Variants in ACAT1 observed in about 807,000 individuals in gnomAD.
ACAT1 encodes acetyl-CoA acetyltransferase, mitochondrial.
A neutral mutation model predicts 47.3 loss-of-function variants in ACAT1; 28 were observed. The observed-to-expected ratio is 0.59, with a 90% CI of 0.44 to 0.81. The LOEUF is 0.81. Ranked by LOEUF, ACAT1 falls within the 30% of genes least tolerant of loss-of-function variation. ACAT1 has a pLI of 0.00. For synonymous variants in ACAT1, 181 were observed against 173.6 expected (o/e 1.04, Z -0.34); for missense variants, 469 against 524.3 (o/e 0.89, Z 1.03).
intron 1 of ACAT1, among the ~76,000 whole-genome samples, chr11:108,124,977 G>A (rs756012763): frequency 2.0e-5 from 3 of 152,134 alleles, no homozygotes; most frequent in Non-Finnish European, 4.4e-5. Context: ...TCTAGTTCAT[G>A]ATCAATTTTG....
chr11:108,120,777 G>A (rs935972895), upstream of ACAT1, among the ~76,000 whole-genome samples: 2 of 152,018 alleles, frequency 1.3e-5, no homozygotes, highest in African/African-American at 2.4e-5. Flanking sequence ...ATATTTTCAC[G>A]GCTGGGTGTG....
At chr11:108,145,952 CAGG>C (rs908855941) in intron 10 of ACAT1, among the ~76,000 whole-genome samples, 7 of 151,778 alleles carry the variant, frequency 4.6e-5, no homozygotes, top group African/African-American at 1.5e-4. Context: ...GAGGCTGAGA[CAGG>C]AGAACTGCTT....
intron 6 of ACAT1, among the ~76,000 whole-genome samples, chr11:108,139,360 G>A (rs932765478): frequency 6.6e-6 from 1 of 152,116 alleles, no homozygotes; most frequent in African/African-American, 2.4e-5. Context: ...GGAGGCCGAG[G>A]CAGGTGGATC....
At chr11:108,135,452 C>T (rs2077451002) in intron 5 of ACAT1, among the ~76,000 whole-genome samples, 1 of 151,748 alleles carries the variant, frequency 6.6e-6, no homozygotes, top group Non-Finnish European at 1.5e-5. Context: ...TCTGTAAGCA[C>T]TTTGGAAGGT....
rs1264166114 is a variant in ACAT1, at chr11:108,147,502, TTTTCTATG to T, written c.*115_*122del. 2.1e-5 allele frequency: 28 copies of T among 1,351,914 alleles called. No homozygotes were observed. The African/African-American group carries it at 3.8e-4, about 18-fold the overall frequency. 83.7% of individuals were successfully genotyped at this position (1,351,914 alleles called of 1,614,324 possible). ...AGATAAGCTGTTTCATTTTTTATTA[TTTTCTATG>T]TTAACTTTTAAAAATCAAAATGATG... is the stretch of plus-strand genomic sequence containing the variant. On this transcript the variant is annotated 3_prime_UTR_variant, in exon 12 of 12. Transcript: ENST00000265838.
At chr11:108,139,354 G>GC (rs2077536588) in intron 6 of ACAT1, among the ~76,000 whole-genome samples, 2 of 152,108 alleles carry the variant, frequency 1.3e-5, no homozygotes, top group Admixed American at 1.3e-4. Context: ...ACTTTGGGAG[G>GC]CCGAGGCAGG....
chr11:108,141,469 T>C, intron 7 of ACAT1, 136 bp from the exon 8 acceptor site: 1 of 665,998 alleles, frequency 1.5e-6, no homozygotes, highest in East Asian at 2.8e-5. Flanking sequence ...AGATTCTAGA[T>C]GAGTGTTTAC....
upstream of ACAT1, among the ~76,000 whole-genome samples, chr11:108,117,186 C>T (rs1341603061): frequency 2.6e-5 from 4 of 151,892 alleles, no homozygotes; most frequent in Non-Finnish European, 4.4e-5. Context: ...TGGTGACACA[C>T]GTGTAGTCTT....
At chr11:108,129,916 G>C (rs2077325264) in intron 1 of ACAT1, among the ~76,000 whole-genome samples, 1 of 151,894 alleles carries the variant, frequency 6.6e-6, no homozygotes, top group African/African-American at 2.4e-5. Flanking sequence ...CAGGAGTTCT[G>C]GTTTATTTTT....
At chr11:108,120,525 G>A (rs1402178052), upstream of ACAT1, among the ~76,000 whole-genome samples, 1 of 141,290 alleles carries the variant, frequency 7.1e-6, no homozygotes, top group African/African-American at 2.5e-5. Context: ...TGGGTGACAA[G>A]AGCGAGACCC....
At chr11:108,132,542 T>A (rs1431876986) in intron 2 of ACAT1, among the ~76,000 whole-genome samples, 1 of 152,156 alleles carries the variant, frequency 6.6e-6, no homozygotes, top group Non-Finnish European at 1.5e-5. Flanking sequence ...GTTCATATTA[T>A]TGTCTTACTG....
intron 2 of ACAT1, among the ~76,000 whole-genome samples, chr11:108,132,382 T>G (rs1037532233): frequency 3.3e-5 from 5 of 152,220 alleles, no homozygotes; most frequent in African/African-American, 1.2e-4. Context: ...CTAAAGTGAC[T>G]TAGTTAAGAT....
At position 108,147,240 on chromosome 11, in the gene ACAT1, T is replaced by A. The variant is rs751472104; in HGVS notation, c.1164-30T>A. The A allele has an allele frequency of 2.5e-6, 4 of 1,612,494 alleles. No individual in the cohort carries two copies. In the Admixed American group the frequency reaches 6.7e-5, roughly 27 times the overall value. ...GGTTAGTCATAAATTCTGTACTTCATTAAAGAAGTAAATGCTTTCTTAATT... is the reference window on the plus strand; with the variant it reads ...GGTTAGTCATAAATTCTGTACTTCAATAAAGAAGTAAATGCTTTCTTAATT... On this transcript the variant is annotated intron_variant, in intron 11 of 11. Coordinates refer to ENST00000265838, the MANE Select transcript of ACAT1 (RefSeq NM_000019.4).
In ACAT1 at chr11:108,140,045, A is replaced by G; in HGVS notation, c.580-20A>G. 6.2e-7 allele frequency: 1 copy of G among 1,608,144 alleles called. No homozygotes were observed. The highest frequency in any genetic ancestry group is 8.5e-7 in the Non-Finnish European group (1 of 1,176,554). ...TAAATTATGCAAAGTTAACTTTAAA[A>G]TATTTCAACTTTTTATCAGGGCAGC... On this transcript the variant is annotated intron_variant, in intron 6 of 11. Coordinates refer to ENST00000265838, the MANE Select transcript of ACAT1 (RefSeq NM_000019.4).
Position 108,142,517 on chromosome 11 carries a change from A to G in ACAT1, c.907A>G (p.Arg303Gly). Residue 303 changes from arginine to glycine, a missense_variant, in exon 9 of 12, where the codon AGG becomes GGG. Physicochemically the swap from Arg to Gly is moderately radical, Grantham distance 125. Coordinates refer to ENST00000265838, the MANE Select transcript of ACAT1 (RefSeq NM_000019.4). ...LVLMTADAAK[R>G]LNVTPLARIV... Reference sequence around the variant, plus strand: ...TCTCATGACGGCAGATGCAGCGAAGAGGCTCAATGTTACACCACTGGCAAG... The same window carrying G: ...TCTCATGACGGCAGATGCAGCGAAGGGGCTCAATGTTACACCACTGGCAAG... 1 of 1,614,200 alleles carries G rather than the reference A, an allele frequency of 6.2e-7. No individual in the cohort carries two copies. Among genetic ancestry groups the G allele is most frequent in the Admixed American group, 1.7e-5 (1 of 60,026 alleles).
chr11:108,119,791 G>T (rs1186726325), upstream of ACAT1, among the ~76,000 whole-genome samples: 1 of 152,192 alleles, frequency 6.6e-6, no homozygotes, highest in Non-Finnish European at 1.5e-5. Context: ...AGGTGTGAGT[G>T]TGACATTCCA....
rs1252455081 is a variant in ACAT1 at position 108,146,141 on chromosome 11, G to A, written c.1006-61G>A. ...TCAAACTGTAGTATTTCAAGGAAAT[G>A]ATGACAGTAAGTTGTGATTGCTAAT... On this transcript the variant is annotated intron_variant, in intron 10 of 11. Coordinates refer to ENST00000265838, the MANE Select transcript of ACAT1 (RefSeq NM_000019.4). The A allele has an allele frequency of 2.9e-6, 4 of 1,359,108 alleles. No homozygotes were observed. In the African/African-American group the frequency reaches 5.7e-5, roughly 20 times the overall value. The allele number at this position is 1,359,108 out of a possible 1,614,324, so 84.2% of individuals were successfully genotyped here. A position where few individuals can be genotyped will look rare whatever the true frequency, so the allele number is the denominator to read the frequency against.
At chr11:108,123,500 T>G (rs1171343261) in intron 1 of ACAT1, among the ~76,000 whole-genome samples, 2 of 152,186 alleles carry the variant, frequency 1.3e-5, no homozygotes, top group African/African-American at 4.8e-5. Flanking sequence ...CAACAAATCT[T>G]TATGGACTTT....
At chr11:108,134,048 A>G in intron 3 of ACAT1, 111 bp downstream of exon 3, 1 of 1,185,558 alleles carries the variant, frequency 8.4e-7, no homozygotes, top group Non-Finnish European at 1.3e-6. Flanking sequence ...TAATGCCTAC[A>G]TTTCTGCTTT....
Sources: allele counts gnomAD v4.1 joint callset (sites outside exome capture counted in the v4.1 genomes callset), GRCh38; gene constraint gnomAD v4.1.1; transcripts MANE v1.5; gene names NCBI Gene and HGNC (gene_info 2026-07-23, HGNC 2026-07-21).